The following SPINK4 variants were observed in gnomAD, a reference collection of about 807,000 sequenced individuals.
SPINK4 encodes the protein serine protease inhibitor Kazal-type 4.
SPINK4 carries 10 observed loss-of-function variants against 12.3 expected under a neutral mutation model. The observed-to-expected ratio is 0.81, with a 90% CI of 0.50 to 1.37. The LOEUF is 1.37. Ranked by LOEUF, SPINK4 falls within the 40% of genes most tolerant of loss-of-function variation. SPINK4 has a pLI of 0.00. For missense variants in SPINK4, 91 were observed against 109.0 expected (o/e 0.84, Z 0.73); for synonymous variants, 37 against 40.2 (o/e 0.92, Z 0.30).
intron 1 of SPINK4, among the ~76,000 whole-genome samples, chr9:33,240,881 C>T (rs758448182): frequency 1.5e-4 from 23 of 152,056 alleles, no homozygotes; most frequent in Admixed American, 6.5e-5. Context: ...AGAAAAAGCA[C>T]GGTCCTGATG....
chr9:33,240,400 C>A (rs1294653013), intron 1 of SPINK4, 131 bp downstream of exon 1: 12 of 739,340 alleles, frequency 1.6e-5, no homozygotes, highest in South Asian at 1.4e-4. Flanking sequence ...TGCATATGCA[C>A]CCTCCACTGT....
At chr9:33,241,394 T>C (rs953987485) in intron 1 of SPINK4, among the ~76,000 whole-genome samples, 8 of 152,076 alleles carry the variant, frequency 5.3e-5, no homozygotes, top group Non-Finnish European at 1.0e-4. Flanking sequence ...GTTGGTACAT[T>C]GAGAATAAAC....
intron 3 of SPINK4, among the ~76,000 whole-genome samples, chr9:33,246,936 A>AGGG (rs1176671668): frequency 6.6e-6 from 1 of 152,056 alleles, no homozygotes; most frequent in African/African-American, 2.4e-5. Flanking sequence ...GGTGGTGGAT[A>AGGG]GGGAGTAGGG....
At chr9:33,241,605 C>T (rs7867938) in intron 1 of SPINK4, among the ~76,000 whole-genome samples, 13,116 of 152,276 alleles carry the variant, frequency 0.086, 653 homozygotes, top group African/African-American at 0.14. Context: ...TACGCCCAGC[C>T]TGGCACCTAC....
intron 3 of SPINK4, chr9:33,248,159 G>A (rs1820304413): frequency 7.9e-6 from 4 of 504,810 alleles, no homozygotes; most frequent in Admixed American, 6.8e-5. Context: ...GTAGGACATA[G>A]GTCCGAGCTG....
rs555445 is a variant in SPINK4, at chr9:33,240,167, G to C, written c.-42G>C. On this transcript the variant is annotated 5_prime_UTR_variant, in exon 1 of 4. Transcript: ENST00000379721. ...AATAGGCCCCCATCCTTCCTCAGGC[G>C]CAGGCCCCAGCCAGCTCAGGCTACA... The C allele has an allele frequency of 0.25, 393,488 of 1,546,594 alleles. 56,836 individuals are homozygous for C. The highest frequency in any genetic ancestry group is 0.65 in the African/African-American group (46,543 of 71,246).
rs566703493 is a variant in SPINK4, at chr9:33,242,568, C to G, written c.61+2299C>G. Among the ~76,000 whole-genome samples the G allele has an allele frequency of 5.3e-5, 8 of 151,970 alleles. No homozygotes were observed. The East Asian group carries it at 1.6e-3, about 30-fold the overall frequency. On this transcript the variant is annotated intron_variant, in intron 1 of 3. Coordinates refer to ENST00000379721, the MANE Select transcript of SPINK4 (RefSeq NM_014471.3). ...AAGTTTAGGGTCAGCTTACGCAGTA[C>G]CCTAAACATAAGACTAAGCAGCTCA...
intron 3 of SPINK4, among the ~76,000 whole-genome samples, chr9:33,247,639 AAGGGAGAATC>A (rs1440036947): frequency 1.3e-5 from 2 of 152,222 alleles, no homozygotes; most frequent in Admixed American, 6.5e-5. Context: ...TATAAGGTTT[AAGGGAGAATC>A]AGGGAGAGGC....
Position 33,246,729 on chromosome 9 carries a change from G to A in SPINK4, c.215+1G>A, listed in dbSNP as rs973943842. ...AATGCCAGCTCTGCTTGGCCCGGATGTAAGTCTGCCCCACAACCCCTGCTT... is the reference window on the plus strand; with the variant it reads ...AATGCCAGCTCTGCTTGGCCCGGATATAAGTCTGCCCCACAACCCCTGCTT... On this transcript the variant is annotated splice_donor_variant, in intron 3 of 3. Transcript: ENST00000379721. LOFTEE classifies it high-confidence loss of function. 2.5e-6 allele frequency: 4 copies of A among 1,613,594 alleles called. No homozygotes were observed. The highest frequency in any genetic ancestry group is 3.4e-6 in the Non-Finnish European group (4 of 1,179,820).
intron 1 of SPINK4, 86 bp downstream of exon 1, chr9:33,240,355 T>G (rs76443437): frequency 8.0e-7 from 1 of 1,244,670 alleles, no homozygotes; most frequent in Non-Finnish European, 1.1e-6. Flanking sequence ...TGGAGCACCC[T>G]GTGAGGCCTC....
At chr9:33,245,757 C>T (rs528992672) in intron 2 of SPINK4, among the ~76,000 whole-genome samples, 2 of 152,188 alleles carry the variant, frequency 1.3e-5, no homozygotes, top group Non-Finnish European at 2.9e-5. Flanking sequence ...CCCGTCAGTC[C>T]ATCAGAATCC....
At position 33,245,102 on chromosome 9, in the gene SPINK4, T is replaced by C; in HGVS notation, c.62-10T>C. 2 of 1,613,616 alleles carry C rather than the reference T, an allele frequency of 1.2e-6. No individual in the cohort carries two copies. Among genetic ancestry groups the C allele is most frequent in the Non-Finnish European group, 1.7e-6 (2 of 1,179,748 alleles). ...CGGCATAATCTAATTCTTGCTTCTT[T>C]GTGTTTCAGAAGTGCCAGTGGCAGC... On this transcript the variant is annotated splice_polypyrimidine_tract_variant and intron_variant, in intron 1 of 3. Transcript: ENST00000379721.
intron 1 of SPINK4, among the ~76,000 whole-genome samples, chr9:33,241,540 T>G (rs1237023532): frequency 6.6e-6 from 1 of 152,134 alleles, no homozygotes; most frequent in East Asian, 1.9e-4. Flanking sequence ...GAAACAGACC[T>G]GGGCACAGGG....
intron 3 of SPINK4, 128 bp downstream of exon 3, chr9:33,246,856 T>C (rs1369774825): frequency 1.4e-6 from 1 of 720,062 alleles, no homozygotes; most frequent in East Asian, 2.8e-5. Flanking sequence ...CTCCAACATA[T>C]GCCCCTAATA....
At chr9:33,240,646 G>A (rs1471151918) in intron 1 of SPINK4, among the ~76,000 whole-genome samples, 1 of 152,182 alleles carries the variant, frequency 6.6e-6, no homozygotes, top group African/African-American at 2.4e-5. Flanking sequence ...GTGCAGGGTG[G>A]TGGATGCTAA....
chr9:33,241,456 A>C (rs923759471), intron 1 of SPINK4, among the ~76,000 whole-genome samples: 3 of 152,182 alleles, frequency 2.0e-5, no homozygotes, highest in Non-Finnish European at 4.4e-5. Context: ...AAAAGCCATA[A>C]GTTATAAGGC....
intron 2 of SPINK4, 91 bp from the exon 3 acceptor site, chr9:33,246,525 A>C (rs1269443481): frequency 9.1e-7 from 1 of 1,095,076 alleles, no homozygotes; most frequent in East Asian, 2.4e-5. Context: ...CTGATACCTC[A>C]CTGGGGCCCC....
chr9:33,246,545 G>C, intron 2 of SPINK4, 71 bp from the exon 3 acceptor site: 1 of 1,395,778 alleles, frequency 7.2e-7, no homozygotes, highest in Middle Eastern at 1.8e-4. Context: ...CACTGGTTCC[G>C]AGCAGAACCC....
At chr9:33,248,395 G>A in intron 3 of SPINK4, 31 bp from the exon 4 acceptor site, 1 of 1,613,254 alleles carries the variant, frequency 6.2e-7, no homozygotes, top group South Asian at 1.1e-5. Flanking sequence ...TCCTGAGAAG[G>A]TAGCCTCATG....
Sources: allele counts gnomAD v4.1 joint callset (sites outside exome capture counted in the v4.1 genomes callset), GRCh38; gene constraint gnomAD v4.1.1; transcripts MANE v1.5; gene names NCBI Gene and HGNC (gene_info 2026-07-23, HGNC 2026-07-21).